Variants in MGAT5 observed in about 807,000 individuals in gnomAD.
MGAT5 encodes the protein alpha-1,6-mannosylglycoprotein 6-beta-N-acetylglucosaminyltransferase, also known as alpha-1,6-mannosylglycoprotein 6-beta-N-acetylglucosaminyltransferase A.
A neutral mutation model predicts 94.3 loss-of-function variants in MGAT5; 30 were observed. That is an observed-to-expected ratio of 0.32 (90% confidence interval 0.24 to 0.43). The LOEUF (loss-of-function observed/expected upper bound fraction) is 0.43. Among genes scored for constraint, MGAT5 ranks in the 20% least tolerant of loss-of-function variants. The pLI, the probability that MGAT5 is intolerant of heterozygous loss-of-function variation, is 1.00. For missense variants in MGAT5, 691 were observed against 905.5 expected, an observed-to-expected ratio of 0.76 and a Z score of 3.04; for synonymous variants, 310 against 322.9, an observed-to-expected ratio of 0.96 and a Z score of 0.43.
At chr2:134,315,031 CA>C (rs1288002356) in intron 2 of MGAT5, among the ~76,000 whole-genome samples, 3 of 152,140 alleles carry the variant, frequency 2.0e-5, no homozygotes, top group Non-Finnish European at 4.4e-5. Flanking sequence ...TGTTTCTTTA[CA>C]AAAAAAGTTT....
At chr2:134,378,756 C>T (rs1357656823) in intron 10 of MGAT5, among the ~76,000 whole-genome samples, 1 of 151,870 alleles carries the variant, frequency 6.6e-6, no homozygotes, top group East Asian at 1.9e-4. Flanking sequence ...GCTGGGATAA[C>T]AGGCGTGCAC....
chr2:134,383,983 A>C (rs1681799364), intron 10 of MGAT5, among the ~76,000 whole-genome samples: 1 of 151,972 alleles, frequency 6.6e-6, no homozygotes, highest in Non-Finnish European at 1.5e-5. Context: ...CTGGCCGCTT[A>C]AGCATGGTTT....
chr2:134,183,382 C>T (rs1297606975), intron 1 of MGAT5, among the ~76,000 whole-genome samples: 5 of 152,118 alleles, frequency 3.3e-5, no homozygotes, highest in East Asian at 1.9e-4. Context: ...TATGGATTGA[C>T]GCAATCAAGT....
chr2:134,414,159 G>GTGT (rs375398911), intron 12 of MGAT5, among the ~76,000 whole-genome samples: 1 of 138,142 alleles, frequency 7.2e-6, no homozygotes, highest in East Asian at 2.0e-4. Context: ...GTGTGTGTGT[G>GTGT]GTTTTTTTTT....
intron 1 of MGAT5, among the ~76,000 whole-genome samples, chr2:134,205,570 T>C (rs972382059): frequency 2.6e-5 from 4 of 152,220 alleles, no homozygotes; most frequent in Admixed American, 6.5e-5. Context: ...AGCGGCTCTC[T>C]TTCGGGCCTG....
intron 1 of MGAT5, among the ~76,000 whole-genome samples, chr2:134,170,104 G>C (rs972179041): frequency 6.6e-6 from 1 of 152,162 alleles, no homozygotes; most frequent in African/African-American, 2.4e-5. Context: ...CTGAAACTAA[G>C]TTGGTATCAT....
At chr2:134,299,681 C>CT (rs769723601) in intron 2 of MGAT5, among the ~76,000 whole-genome samples, 7 of 152,248 alleles carry the variant, frequency 4.6e-5, no homozygotes, top group African/African-American at 9.6e-5. Context: ...CCTGTCCCCT[C>CT]TTTTATTCCT....
intron 2 of MGAT5, among the ~76,000 whole-genome samples, chr2:134,272,472 C>G (rs189409178): frequency 2.1e-4 from 32 of 152,016 alleles, no homozygotes; most frequent in African/African-American, 7.7e-4. Context: ...GTGTGGGACA[C>G]AGTCCATACC....
intron 1 of MGAT5, among the ~76,000 whole-genome samples, chr2:134,198,747 C>G (rs1014253386): frequency 6.6e-6 from 1 of 152,192 alleles, no homozygotes; most frequent in African/African-American, 2.4e-5. Context: ...CTTCTCAGGT[C>G]TGATCATGGG....
chr2:134,300,921 C>G (rs72978130), intron 2 of MGAT5, among the ~76,000 whole-genome samples: 4 of 152,230 alleles, frequency 2.6e-5, no homozygotes, highest in South Asian at 4.1e-4. Context: ...AAGTATACAA[C>G]CTGATGAGTT....
At chr2:134,189,597 T>TTTTG (rs1689224331) in intron 1 of MGAT5, among the ~76,000 whole-genome samples, 2 of 87,192 alleles carry the variant, frequency 2.3e-5, no homozygotes, top group African/African-American at 9.2e-5. Flanking sequence ...CTCTAGTTTT[T>TTTTG]TTTTGTTTTT....
intron 4 of MGAT5, among the ~76,000 whole-genome samples, chr2:134,323,242 G>A (rs920958983): frequency 2.6e-5 from 4 of 152,130 alleles, no homozygotes; most frequent in Admixed American, 2.6e-4. Context: ...TATGTCTGAC[G>A]CTGTACTAGA....
At chr2:134,122,379 C>T (rs1685653207) in intron 1 of MGAT5, among the ~76,000 whole-genome samples, 1 of 152,226 alleles carries the variant, frequency 6.6e-6, no homozygotes. Context: ...GCTGGGATTA[C>T]AGGCGTGACC....
intron 2 of MGAT5, among the ~76,000 whole-genome samples, chr2:134,298,361 G>A (rs1463047453): frequency 6.6e-6 from 1 of 152,098 alleles, no homozygotes; most frequent in East Asian, 1.9e-4. Context: ...GCCTCCCAAA[G>A]TACTGGGATT....
At chr2:134,189,602 G>GTTTTGTTTTGTTTTGTTTTTTTTT (rs1553490380) in intron 1 of MGAT5, among the ~76,000 whole-genome samples, 2 of 84,670 alleles carry the variant, frequency 2.4e-5, no homozygotes, top group African/African-American at 9.5e-5. Flanking sequence ...GTTTTTTTTT[G>GTTTTGTTTTGTTTTGTTTTTTTTT]TTTTTTTTTT....
intron 1 of MGAT5, among the ~76,000 whole-genome samples, chr2:134,143,679 T>C (rs1172043373): frequency 6.6e-6 from 1 of 152,014 alleles, no homozygotes; most frequent in Non-Finnish European, 1.5e-5. Flanking sequence ...TAAAGGGAAA[T>C]GGAGCTGGCT....
At chr2:134,151,033 C>T (rs1027190522) in intron 1 of MGAT5, among the ~76,000 whole-genome samples, 2 of 152,138 alleles carry the variant, frequency 1.3e-5, no homozygotes, top group African/African-American at 4.8e-5. Flanking sequence ...CCCCTTGCCT[C>T]TAGGCCTTCT....
chr2:134,402,822 T>C (rs1191806457), intron 10 of MGAT5, among the ~76,000 whole-genome samples, 166 bp from the exon 11 acceptor site: 1 of 152,220 alleles, frequency 6.6e-6, no homozygotes, highest in Admixed American at 6.5e-5. Flanking sequence ...TCCAGCCAGA[T>C]TACTTTTCAA....
At position 134,310,650 on chromosome 2, in the gene MGAT5, G is replaced by T. The variant is rs183375469; in HGVS notation, c.407-6879G>T. Among the ~76,000 whole-genome samples the T allele has an allele frequency of 3.8e-3, 575 of 152,272 alleles. 3 individuals carry two copies. Among genetic ancestry groups the T allele is most frequent in the Admixed American group, 0.012 (177 of 15,294 alleles). On this transcript the variant is annotated intron_variant, in intron 2 of 15. Transcript: ENST00000281923. Reference sequence around the variant, plus strand: ...GTTGGGGAGGGAACTTCCTATTGCTGTGGGGCCCTGGTTCTGGAATTCATG... The same window carrying T: ...GTTGGGGAGGGAACTTCCTATTGCTTTGGGGCCCTGGTTCTGGAATTCATG...
Sources: allele counts gnomAD v4.1 joint callset (sites outside exome capture counted in the v4.1 genomes callset), GRCh38; gene constraint gnomAD v4.1.1; transcripts MANE v1.5; gene names NCBI Gene and HGNC (gene_info 2026-07-23, HGNC 2026-07-21).